The following ST8SIA5 variants were observed in gnomAD, a reference collection of about 807,000 sequenced individuals.
The protein encoded by ST8SIA5 is alpha-2,8-sialyltransferase 8E.
ST8SIA5 carries 24 observed loss-of-function variants against 40.2 expected under a neutral mutation model. That is an observed-to-expected ratio of 0.60 (90% CI 0.43 to 0.84). The LOEUF is 0.84. Among genes scored for constraint, ST8SIA5 ranks in the 40% least tolerant of loss-of-function variants. ST8SIA5 has a pLI of 0.00. For synonymous variants in ST8SIA5, 198 were observed against 201.8 expected (o/e 0.98, Z 0.16); for missense variants, 465 against 498.5 (o/e 0.93, Z 0.64).
At chr18:46,702,554 G>A (rs1469341262) in intron 2 of ST8SIA5, among the ~76,000 whole-genome samples, 3 of 152,152 alleles carry the variant, frequency 2.0e-5, no homozygotes, top group African/African-American at 4.8e-5. Context: ...TTCAGAGCCC[G>A]GGACACAGCC....
chr18:46,745,357 A>C (rs931678859), intron 1 of ST8SIA5, among the ~76,000 whole-genome samples: 1 of 152,222 alleles, frequency 6.6e-6, no homozygotes, highest in Non-Finnish European at 1.5e-5. Flanking sequence ...AGAATCAAAT[A>C]GATGCAATAA....
chr18:46,704,064 G>A (rs571509480), intron 2 of ST8SIA5, among the ~76,000 whole-genome samples: 11 of 152,208 alleles, frequency 7.2e-5, no homozygotes, highest in African/African-American at 2.2e-4. Flanking sequence ...AAGCCACATC[G>A]TCACCTCTGG....
At chr18:46,732,071 G>C (rs1385946210) in intron 1 of ST8SIA5, among the ~76,000 whole-genome samples, 1 of 152,200 alleles carries the variant, frequency 6.6e-6, no homozygotes, top group Non-Finnish European at 1.5e-5. Context: ...GGGGCAGGAA[G>C]TCCAGGCTTT....
chr18:46,695,030 G>A (rs191877551), intron 2 of ST8SIA5, among the ~76,000 whole-genome samples: 11 of 152,040 alleles, frequency 7.2e-5, no homozygotes, highest in South Asian at 4.2e-4. Context: ...ATGGCAGTGC[G>A]TGCCTGTAAT....
intron 1 of ST8SIA5, among the ~76,000 whole-genome samples, chr18:46,716,698 C>T (rs1212735082): frequency 6.6e-6 from 1 of 152,234 alleles, no homozygotes; most frequent in Non-Finnish European, 1.5e-5. Context: ...CTAGCCCAGT[C>T]CTCCAAAGCC....
chr18:46,707,069 C>A (rs16939979), intron 1 of ST8SIA5, among the ~76,000 whole-genome samples: 1,725 of 152,270 alleles, frequency 0.011, 41 homozygotes, highest in African/African-American at 0.037. Context: ...GGCCACAAAA[C>A]GAGCCCATGA....
intron 1 of ST8SIA5, among the ~76,000 whole-genome samples, chr18:46,746,599 C>T (rs1026202666): frequency 7.2e-5 from 11 of 152,184 alleles, no homozygotes; most frequent in Admixed American, 2.0e-4. Flanking sequence ...ACATTCTATG[C>T]TCATGGATAG....
chr18:46,738,696 T>C (rs1433756584), intron 1 of ST8SIA5, among the ~76,000 whole-genome samples: 1 of 152,020 alleles, frequency 6.6e-6, no homozygotes, highest in Non-Finnish European at 1.5e-5. Context: ...AACCACACTC[T>C]GGATAGATCC....
chr18:46,694,545 G>T (rs1201106898), intron 2 of ST8SIA5, among the ~76,000 whole-genome samples: 2 of 152,124 alleles, frequency 1.3e-5, no homozygotes, highest in Non-Finnish European at 2.9e-5. Flanking sequence ...GGGTCACCTG[G>T]CTGTGGCCCA....
At position 46,676,536 on chromosome 18, in the gene ST8SIA5, T is replaced by G. The variant is rs2039340405; in HGVS notation, c.*3506A>C. ...AGCAAAGTCAAGGGCGATGAGCACATGCTGTCTCTGGGCACCAGGTGATTA... is the reference window on the plus strand; with the variant it reads ...AGCAAAGTCAAGGGCGATGAGCACAGGCTGTCTCTGGGCACCAGGTGATTA... On this transcript the variant is annotated 3_prime_UTR_variant, in exon 7 of 7. Coordinates refer to ENST00000315087, the MANE Select transcript of ST8SIA5 (RefSeq NM_013305.6). 6.6e-6 allele frequency: 1 copy of G among 152,288 alleles called. No individual in the cohort carries two copies. Among genetic ancestry groups the G allele is most frequent in the Non-Finnish European group, 1.5e-5 (1 of 68,082 alleles). The allele number at this position is 152,288 out of a possible 1,614,324, so 9.4% of individuals were successfully genotyped here. A position where few individuals can be genotyped will look rare whatever the true frequency, so the allele number is the denominator to read the frequency against.
At chr18:46,707,657 T>C (rs1225033145) in intron 1 of ST8SIA5, among the ~76,000 whole-genome samples, 1 of 152,242 alleles carries the variant, frequency 6.6e-6, no homozygotes, top group African/African-American at 2.4e-5. Context: ...GTCTGAATGT[T>C]TGTGTCTCCT....
intron 1 of ST8SIA5, among the ~76,000 whole-genome samples, chr18:46,752,319 G>A (rs559614064): frequency 6.6e-6 from 1 of 151,996 alleles, no homozygotes; most frequent in Non-Finnish European, 1.5e-5. Context: ...AATAGCCACC[G>A]GCTCCCTGGA....
intron 2 of ST8SIA5, among the ~76,000 whole-genome samples, chr18:46,700,115 T>A (rs2039596911): frequency 6.6e-6 from 1 of 152,184 alleles, no homozygotes. Context: ...GTAAATAATT[T>A]TAGTAAGAAT....
intron 1 of ST8SIA5, among the ~76,000 whole-genome samples, chr18:46,724,316 A>T (rs2039892756): frequency 6.6e-6 from 1 of 152,248 alleles, no homozygotes; most frequent in Non-Finnish European, 1.5e-5. Context: ...GAAGTGCTCC[A>T]GCGATGCTTT....
In ST8SIA5 at chr18:46,742,278, T is replaced by A. The variant is rs184351249; in HGVS notation, c.131+14100A>T. On this transcript the variant is annotated intron_variant, in intron 1 of 6. Transcript: ENST00000315087. ...TACAATTAGGATTAATCATACCATA[T>A]ACAAAAATTAACTCAAAATGGGTCA... 2.1e-3 allele frequency among the ~76,000 whole-genome samples: 324 copies of A among 152,208 alleles called. 2 individuals carry two copies. Among genetic ancestry groups the A allele is most frequent in the African/African-American group, 7.5e-3 (312 of 41,548 alleles).
chr18:46,689,066 G>A (rs184033699), intron 3 of ST8SIA5, 147 bp from the exon 4 acceptor site: 40 of 960,804 alleles, frequency 4.2e-5, no homozygotes, highest in East Asian at 1.1e-4. Flanking sequence ...GCATGGAGCC[G>A]AGGCCTCTCC....
intron 2 of ST8SIA5, among the ~76,000 whole-genome samples, chr18:46,704,344 C>T (rs772674772): frequency 2.0e-5 from 3 of 152,126 alleles, no homozygotes; most frequent in Non-Finnish European, 4.4e-5. Context: ...CAGAGGTGAC[C>T]TTGCAAACTT....
Position 46,710,634 on chromosome 18 carries a change from G to A in ST8SIA5, c.132-5970C>T, listed in dbSNP as rs757664365. Among the ~76,000 whole-genome samples, 3 of 81,970 alleles carry A rather than the reference G, an allele frequency of 3.7e-5. No homozygotes were observed. In the East Asian group the frequency reaches 9.2e-4, roughly 25 times the overall value. 53.8% of individuals were successfully genotyped at this position (81,970 alleles called of 152,430 possible). A position where few individuals can be genotyped will look rare whatever the true frequency, so the allele number is the denominator to read the frequency against. On this transcript the variant is annotated intron_variant, in intron 1 of 6. Transcript: ENST00000315087. ...CGGCTCACTGCAAACTCCCCCTCCC[G>A]GGTTCAAGTGATTCTCCCGAAGAGG...
chr18:46,710,421 C>CTGTCTT lies in ST8SIA5; in HGVS notation c.132-5758_132-5757insAAGACA, dbSNP rs1394849815. Among the ~76,000 whole-genome samples the CTGTCTT allele has an allele frequency of 4.0e-4, 44 of 109,772 alleles. 1 individual carries two copies. The highest frequency in any genetic ancestry group is 7.0e-4 in the Non-Finnish European group (35 of 49,846). The allele number at this position is 109,772 out of a possible 152,430, so 72.0% of individuals were successfully genotyped here. On this transcript the variant is annotated intron_variant, in intron 1 of 6. Transcript: ENST00000315087. ...TTTCTTTCTTTCTTTCTTTCTTTTTCTTTCTCTCTCTTTCTTTTTCTTTTT... is the reference window on the plus strand; with the variant it reads ...TTTCTTTCTTTCTTTCTTTCTTTTTCTGTCTTTTTCTCTCTCTTTCTTTTTCTTTTT...
Sources: gnomAD v4.1 joint callset for allele counts (sites outside exome capture counted in the v4.1 genomes callset) on GRCh38, gnomAD v4.1.1 for gene constraint, MANE v1.5 for transcripts, NCBI Gene and HGNC (gene_info 2026-07-23, HGNC 2026-07-21) for gene names.